The following RP1 variants were observed in gnomAD, a reference collection of about 807,000 sequenced individuals.
The protein encoded by RP1 is oxygen-regulated protein 1.
In RP1, 16 loss-of-function variants were observed where a neutral mutation model predicts 14.8. The ratio of observed to expected loss-of-function variants is 1.08; its 90% CI spans 0.73 to 1.65. RP1 has a LOEUF of 1.65. Ranked by LOEUF, RP1 falls within the 40% of genes most tolerant of loss-of-function variation. The probability of loss-of-function intolerance (pLI) is 0.00; values close to 1 mark genes in which losing one functional copy is unlikely to be tolerated. For missense variants in RP1, 2,631 were observed against 2,535.0 expected (o/e 1.04, Z -0.81); for synonymous variants, 876 against 883.6 (o/e 0.99, Z 0.15).
chr8:54,718,893 T>C (rs1172993485), intron 15 of RP1, among the ~76,000 whole-genome samples: 1 of 152,218 alleles, frequency 6.6e-6, no homozygotes. Flanking sequence ...AGTACAGTTA[T>C]TCTGTATGCC....
At chr8:54,773,663 C>T (rs913291883), downstream of RP1, among the ~76,000 whole-genome samples, 6 of 152,084 alleles carry the variant, frequency 3.9e-5, no homozygotes, top group Non-Finnish European at 8.8e-5. Flanking sequence ...AAATAAAATA[C>T]CATCTCAGGA....
At chr8:54,573,520 C>T (rs952580731) in intron 1 of RP1, among the ~76,000 whole-genome samples, 3 of 152,066 alleles carry the variant, frequency 2.0e-5, no homozygotes, top group South Asian at 2.1e-4. Context: ...ACTAGGGAGA[C>T]GAGCTCTCAA....
chr8:54,712,933 C>T (rs991997695), intron 15 of RP1, among the ~76,000 whole-genome samples: 11 of 152,106 alleles, frequency 7.2e-5, no homozygotes, highest in African/African-American at 7.2e-5. Flanking sequence ...CCCTAGTTTG[C>T]GTATGTTTAG....
intron 7 of RP1, chr8:54,673,834 T>C (rs1199615855): frequency 1.3e-6 from 2 of 1,528,756 alleles, no homozygotes; most frequent in Admixed American, 3.9e-5. Flanking sequence ...TAATTATACT[T>C]TTTGATTCGT....
chr8:54,667,870 C>A (rs1322348210), intron 7 of RP1, among the ~76,000 whole-genome samples: 1 of 151,922 alleles, frequency 6.6e-6, no homozygotes, highest in East Asian at 1.9e-4. Context: ...AAAAAAAGGC[C>A]AGGACAAGAC....
At chr8:54,649,061 G>C (rs1806605039) in exon 4 of RP1, 1 of 1,532,358 alleles carries the variant, frequency 6.5e-7, no homozygotes, top group African/African-American at 1.4e-5. Context: ...ATATTATTCT[G>C]TATGGACAAC....
intron 26 of RP1, among the ~76,000 whole-genome samples, chr8:54,853,754 G>GAGAGAGAAAGAAAGAAAGAA (rs768079049): frequency 1.4e-5 from 2 of 142,028 alleles, no homozygotes; most frequent in Non-Finnish European, 3.0e-5. Flanking sequence ...GAAAGAAAGA[G>GAGAGAGAAAGAAAGAAAGAA]AGAGAGAAAG....
At chr8:54,850,885 G>C (rs1303195343) in intron 25 of RP1, among the ~76,000 whole-genome samples, 1 of 152,126 alleles carries the variant, frequency 6.6e-6, no homozygotes, top group Admixed American at 6.5e-5. Flanking sequence ...GTTTCTCCAG[G>C]TGGGGTGGGT....
chr8:54,811,560 C>T (rs946142830), intron 24 of RP1, among the ~76,000 whole-genome samples: 5 of 152,126 alleles, frequency 3.3e-5, no homozygotes, highest in African/African-American at 1.2e-4. Flanking sequence ...GGGAAGAAGT[C>T]GTGTCATATG....
At chr8:54,655,977 A>G (rs1407972659) in intron 5 of RP1, 2 of 707,960 alleles carry the variant, frequency 2.8e-6, no homozygotes, top group East Asian at 3.2e-5. Context: ...AGTTTCTCAT[A>G]TTAAAAATAA....
chr8:54,563,834 C>T (rs1311279223), intron 1 of RP1, among the ~76,000 whole-genome samples: 1 of 152,152 alleles, frequency 6.6e-6, no homozygotes, highest in African/African-American at 2.4e-5. Context: ...TAGACATGAG[C>T]CACCACGCCC....
At chr8:54,615,697 A>C (rs1257488027), upstream of RP1, among the ~76,000 whole-genome samples, 2 of 152,242 alleles carry the variant, frequency 1.3e-5, no homozygotes, top group African/African-American at 4.8e-5. Context: ...ATAAAACAAA[A>C]GGCCTAGATC....
chr8:54,670,669 T>TATATA (rs1807153469), intron 7 of RP1, among the ~76,000 whole-genome samples: 5 of 63,532 alleles, frequency 7.9e-5, no homozygotes, highest in African/African-American at 4.2e-4. Context: ...ATATATATGT[T>TATATA]TTTATATATA....
intron 17 of RP1, chr8:54,726,610 G>C (rs1460395523): frequency 2.4e-6 from 2 of 821,214 alleles, no homozygotes; most frequent in South Asian, 8.9e-5. Context: ...CTTGTAAGCT[G>C]TTATCTTGCT....
At chr8:54,640,028 C>A (rs1806425629) in intron 3 of RP1, among the ~76,000 whole-genome samples, 1 of 151,636 alleles carries the variant, frequency 6.6e-6, no homozygotes, top group African/African-American at 2.4e-5. Flanking sequence ...CTGCCTATCT[C>A]AATGACAAGA....
intron 8 of RP1, among the ~76,000 whole-genome samples, chr8:54,676,243 G>A (rs531228332): frequency 6.6e-6 from 1 of 152,304 alleles, no homozygotes; most frequent in East Asian, 1.9e-4. Flanking sequence ...CAGACAACAA[G>A]TTATGGGTTC....
chr8:54,692,348 G>A (rs1807736143), intron 12 of RP1, among the ~76,000 whole-genome samples: 2 of 125,374 alleles, frequency 1.6e-5, no homozygotes, highest in South Asian at 6.0e-4. Context: ...AGGATGGCTG[G>A]GTCAAATGGT....
chr8:54,798,792 T>C (rs568927045), intron 24 of RP1, among the ~76,000 whole-genome samples: 42 of 152,286 alleles, frequency 2.8e-4, no homozygotes, highest in Non-Finnish European at 4.9e-4. Flanking sequence ...TATAAAGTTG[T>C]TCTTATCCTG....
rs1806229464 is a variant in RP1, at chr8:54,630,641, G to A, written c.*288G>A. Reference sequence around the variant, plus strand: ...GTATCTATGATTTTTTTTGCTCAGGGCATCAAAATGTGCTAAGGACAAGAA... The same window carrying A: ...GTATCTATGATTTTTTTTGCTCAGGACATCAAAATGTGCTAAGGACAAGAA... On this transcript the variant is annotated 3_prime_UTR_variant, in exon 4 of 4. Coordinates refer to ENST00000220676, the MANE Select transcript of RP1 (RefSeq NM_006269.2). 2.5e-6 allele frequency: 3 copies of A among 1,186,232 alleles called. No individual in the cohort carries two copies. Among genetic ancestry groups the A allele is most frequent in the Non-Finnish European group, 3.1e-6 (3 of 954,506 alleles). 73.5% of individuals were successfully genotyped at this position (1,186,232 alleles called of 1,614,324 possible).
Sources: gnomAD v4.1 joint callset for allele counts (sites outside exome capture counted in the v4.1 genomes callset) on GRCh38, gnomAD v4.1.1 for gene constraint, MANE v1.5 for transcripts, NCBI Gene and HGNC (gene_info 2026-07-23, HGNC 2026-07-21) for gene names.